HECTD2: variants seen among roughly 807,000 people sequenced by gnomAD.
HECTD2 encodes HECT domain E3 ubiquitin protein ligase 2, also known as probable E3 ubiquitin-protein ligase HECTD2.
A neutral mutation model predicts 103.2 loss-of-function variants in HECTD2; 35 were observed. That is an observed-to-expected ratio of 0.34 (90% CI 0.26 to 0.45). HECTD2 has a LOEUF of 0.45. Among genes scored for constraint, HECTD2 ranks in the 20% least tolerant of loss-of-function variants. HECTD2 has a pLI of 1.00. For missense variants in HECTD2, 596 were observed against 937.4 expected (o/e 0.64, Z 4.76); for synonymous variants, 281 against 329.9 (o/e 0.85, Z 1.61).
intron 5 of HECTD2, among the ~76,000 whole-genome samples, chr10:91,469,077 T>A (rs1024831617): frequency 6.6e-6 from 1 of 151,720 alleles, no homozygotes; most frequent in Admixed American, 6.6e-5. Flanking sequence ...TAAAGAAGAA[T>A]GAACAAAGGC....
chr10:91,432,785 C>G (rs891514654), intron 2 of HECTD2, among the ~76,000 whole-genome samples: 1 of 151,866 alleles, frequency 6.6e-6, no homozygotes, highest in Non-Finnish European at 1.5e-5. Context: ...TTAGTAGAAC[C>G]TTGATATGAC....
rs1846514371 is a variant in HECTD2 at position 91,492,396 on chromosome 10, A to G, written c.1344A>G (p.Thr448=). The G allele has an allele frequency of 1.9e-6, 3 of 1,613,238 alleles. No individual in the cohort carries two copies. Among genetic ancestry groups the G allele is most frequent in the Admixed American group, 3.3e-5 (2 of 59,996 alleles). Residue 448 remains threonine (T), a synonymous_variant, in exon 13 of 21, where the codon ACA becomes ACG. Transcript: ENST00000298068. ...ATTTGAAAAAGAAGTTAAAAGTTAC[A>G]TTTGTAGGGGAAGCTGGTTTGGATA... ...RADLKKKLKV[T]FVGEAGLDMG... is the part of the protein sequence containing the mutation.
intron 2 of HECTD2, among the ~76,000 whole-genome samples, chr10:91,427,347 G>C (rs898644859): frequency 6.6e-6 from 1 of 151,736 alleles, no homozygotes; most frequent in African/African-American, 2.4e-5. Flanking sequence ...ATGATTTATA[G>C]TCCTTTGGGT....
At chr10:91,480,487 C>A (rs943720575) in intron 6 of HECTD2, among the ~76,000 whole-genome samples, 1 of 151,794 alleles carries the variant, frequency 6.6e-6, no homozygotes, top group Non-Finnish European at 1.5e-5. Context: ...GAAGTTACTT[C>A]CAGATATCTG....
chr10:91,410,045 G>A (rs1324891353), upstream of HECTD2, among the ~76,000 whole-genome samples: 2 of 152,262 alleles, frequency 1.3e-5, no homozygotes, highest in South Asian at 2.1e-4. Context: ...GCCCGGGTGC[G>A]GGGTCTCCTC....
chr10:91,475,589 G>A (rs1845872597), intron 5 of HECTD2, among the ~76,000 whole-genome samples: 1 of 152,194 alleles, frequency 6.6e-6, no homozygotes, highest in African/African-American at 2.4e-5. Flanking sequence ...TTGACAATGA[G>A]AAGAGATAGT....
At chr10:91,500,392 T>A in intron 18 of HECTD2, 110 bp from the exon 19 acceptor site, 1 of 543,618 alleles carries the variant, frequency 1.8e-6, no homozygotes, top group Non-Finnish European at 3.3e-6. Context: ...AATGGTTTGA[T>A]TTACTATGAG....
At chr10:91,452,938 A>C (rs1227303867) in intron 2 of HECTD2, among the ~76,000 whole-genome samples, 1 of 152,156 alleles carries the variant, frequency 6.6e-6, no homozygotes, top group East Asian at 1.9e-4. Flanking sequence ...ACTCTAAAAG[A>C]ATAAAGGAGT....
At chr10:91,412,539 CTGCCTCTCG>C (rs1294570529) in intron 1 of HECTD2, among the ~76,000 whole-genome samples, 1 of 150,702 alleles carries the variant, frequency 6.6e-6, no homozygotes, top group Non-Finnish European at 1.5e-5. Flanking sequence ...ACTGCAATCT[CTGCCTCTCG>C]TGTTCAAGCC....
Position 91,471,001 on chromosome 10 carries a change from CAG to C in HECTD2, c.601-7198_601-7197del, listed in dbSNP as rs1168259385. Among the ~76,000 whole-genome samples, 135 of 145,016 alleles carry C rather than the reference CAG, an allele frequency of 9.3e-4. 1 individual carries two copies. Among genetic ancestry groups the C allele is most frequent in the African/African-American group, 3.7e-3 (131 of 34,934 alleles). On this transcript the variant is annotated intron_variant, in intron 5 of 20. Coordinates refer to ENST00000298068, the MANE Select transcript of HECTD2 (RefSeq NM_182765.6). The stretch of plus-strand genomic sequence containing the variant: ...ACACACACACACACGCACACACACA[CAG>C]ACACACACGCACACACACAAAGAAA...
chr10:91,417,098 G>A (rs1204440284), intron 1 of HECTD2, among the ~76,000 whole-genome samples: 3 of 152,172 alleles, frequency 2.0e-5, no homozygotes, highest in Admixed American at 2.0e-4. Context: ...GGAAGTAGGT[G>A]GAGATGAGAA....
At chr10:91,412,868 G>A (rs1247359946) in intron 1 of HECTD2, among the ~76,000 whole-genome samples, 2 of 152,054 alleles carry the variant, frequency 1.3e-5, no homozygotes, top group Non-Finnish European at 2.9e-5. Context: ...TGTGTGGGGA[G>A]GGGGAGGAGG....
chr10:91,495,630 T>C (rs1846637486), intron 14 of HECTD2, among the ~76,000 whole-genome samples: 1 of 152,036 alleles, frequency 6.6e-6, no homozygotes, highest in Non-Finnish European at 1.5e-5. Flanking sequence ...ATTTGTAACA[T>C]CTGTAGCTTT....
intron 15 of HECTD2, 46 bp from the exon 16 acceptor site, chr10:91,498,062 T>C (rs772437292): frequency 7.8e-7 from 1 of 1,274,808 alleles, no homozygotes; most frequent in Non-Finnish European, 1.1e-6. Context: ...TTATCCTAGC[T>C]AATGCTATTC....
Position 91,487,366 on chromosome 10 carries a change from G to T in HECTD2, c.1095-316G>T. 1 of 301,708 alleles carries T rather than the reference G, an allele frequency of 3.3e-6. No homozygotes were observed. The highest frequency in any genetic ancestry group is 6.5e-6 in the Non-Finnish European group (1 of 154,268). The allele number at this position is 301,708 out of a possible 1,614,324, so 18.7% of individuals were successfully genotyped here. ...CCAACACTTCTCCCTCCTGGTTCTG[G>T]TATTGGCCATGTTGTTCACAGGTGA... is the stretch of plus-strand genomic sequence containing the variant. On this transcript the variant is annotated intron_variant, in intron 10 of 20. Coordinates refer to ENST00000298068, the MANE Select transcript of HECTD2 (RefSeq NM_182765.6). The surrounding 1 kb of genome is among the most constrained non-coding windows in gnomAD (Gnocchi z 4.1).
chr10:91,441,906 T>C lies in HECTD2; in HGVS notation c.268+16496T>C, dbSNP rs977435585. ...CCTTGCTTTTTTTTTTTTTTTTTTT[T>C]TCTTTTTTTTTTGCTTTCCATTTGT... On this transcript the variant is annotated intron_variant, in intron 2 of 20. Coordinates refer to ENST00000298068, the MANE Select transcript of HECTD2 (RefSeq NM_182765.6). Among the ~76,000 whole-genome samples, 1,253 of 126,752 alleles carry C rather than the reference T, an allele frequency of 9.9e-3. 12 individuals are homozygous for C. Among genetic ancestry groups the C allele is most frequent in the African/African-American group, 0.052 (1,174 of 22,770 alleles). The allele number at this position is 126,752 out of a possible 152,430, so 83.2% of individuals were successfully genotyped here.
Position 91,487,728 on chromosome 10 carries a change from A to C in HECTD2, c.1141A>C (p.Lys381Gln). 1 of 1,612,792 alleles carries C rather than the reference A, an allele frequency of 6.2e-7. No homozygotes were observed. Among genetic ancestry groups the C allele is most frequent in the Non-Finnish European group, 8.5e-7 (1 of 1,179,106 alleles). Residue 381 changes from lysine to glutamine, a missense_variant, in exon 11 of 21, where the codon AAA becomes CAA. This residue lies in a region of HECTD2 where 303 missense variants were observed against 522.5 expected (regional missense o/e 0.58). Coordinates refer to ENST00000298068, the MANE Select transcript of HECTD2 (RefSeq NM_182765.6). The surrounding 1 kb of genome is among the most constrained non-coding windows in gnomAD (Gnocchi z 4.1). ...ATTCGTTATTTCTGTAGCTGCAAAA[A>C]AAATCATTATTCAGAGAGACTCAGA... Reference protein sequence around the residue: ...YPFVISVAAKKIIIQRDSEQQ... With the variant: ...YPFVISVAAKQIIIQRDSEQQ...
At chr10:91,471,280 G>A (rs1009007712) in intron 5 of HECTD2, among the ~76,000 whole-genome samples, 1 of 152,120 alleles carries the variant, frequency 6.6e-6, no homozygotes, top group African/African-American at 2.4e-5. Context: ...TTCCCTGCAT[G>A]TTAAAAACCC....
chr10:91,469,305 G>T (rs1332609149), intron 5 of HECTD2, among the ~76,000 whole-genome samples: 2 of 152,160 alleles, frequency 1.3e-5, no homozygotes, highest in African/African-American at 4.8e-5. Context: ...ACAGTCCTCA[G>T]ATTCTCCAAA....
Sources: gnomAD v4.1 joint callset for allele counts (sites outside exome capture counted in the v4.1 genomes callset) on GRCh38, gnomAD v4.1.1 for gene constraint, gnomAD v4.1.1 regional missense constraint, Gnocchi (gnomAD v3.1) non-coding constraint, MANE v1.5 for transcripts, NCBI Gene and HGNC (gene_info 2026-07-23, HGNC 2026-07-21) for gene names.